Variants in GRID1 observed in about 807,000 individuals in gnomAD.
GRID1 encodes glutamate ionotropic receptor delta type subunit 1.
GRID1 carries 28 observed loss-of-function variants against 98.0 expected under a neutral mutation model. That is an observed-to-expected ratio of 0.29 (90% CI 0.21 to 0.39). The LOEUF is 0.39. Among genes scored for constraint, GRID1 ranks in the 10% least tolerant of loss-of-function variants. The probability of loss-of-function intolerance (pLI) is 1.00; values close to 1 mark genes in which losing one functional copy is unlikely to be tolerated. For synonymous variants in GRID1, 553 were observed against 538.5 expected, an observed-to-expected ratio of 1.03 and a Z score of -0.37; for missense variants, 1,111 against 1,340.5, an observed-to-expected ratio of 0.83 and a Z score of 2.67.
intron 4 of GRID1, among the ~76,000 whole-genome samples, chr10:86,105,782 C>T (rs987245005): frequency 6.6e-6 from 1 of 152,200 alleles, no homozygotes. Flanking sequence ...CAGATCATTG[C>T]AGAGTGAAGT....
intron 5 of GRID1, among the ~76,000 whole-genome samples, chr10:85,895,019 ATAT>A (rs1841270672): frequency 1.5e-4 from 15 of 98,120 alleles, no homozygotes; most frequent in Non-Finnish European, 2.0e-4. Flanking sequence ...AAAAAAAAAT[ATAT>A]ATATATATAT....
intron 2 of GRID1, among the ~76,000 whole-genome samples, chr10:86,269,447 C>T (rs1484360281): frequency 6.6e-6 from 1 of 152,240 alleles, no homozygotes; most frequent in Non-Finnish European, 1.5e-5. Context: ...CTTGCCCCTT[C>T]ACCCACACAC....
At chr10:86,279,480 A>G (rs79556628) in intron 2 of GRID1, among the ~76,000 whole-genome samples, 1,544 of 152,328 alleles carry the variant, frequency 0.01, 32 homozygotes, top group African/African-American at 0.035. Context: ...TCAAATCACC[A>G]TATCACCAAG....
At chr10:85,950,795 C>T (rs772787023) in intron 4 of GRID1, among the ~76,000 whole-genome samples, 11 of 152,170 alleles carry the variant, frequency 7.2e-5, no homozygotes, top group Non-Finnish European at 1.0e-4. Flanking sequence ...AGTCCTGGTA[C>T]AGCTTCAGAG....
intron 5 of GRID1, among the ~76,000 whole-genome samples, chr10:85,878,693 T>C (rs572722911): frequency 1.5e-3 from 230 of 152,288 alleles, no homozygotes; most frequent in African/African-American, 5.4e-3. Flanking sequence ...CCATCAAGGC[T>C]AGGAATAAAC....
intron 4 of GRID1, among the ~76,000 whole-genome samples, chr10:86,005,633 C>T (rs1239626393): frequency 1.3e-5 from 2 of 152,190 alleles, no homozygotes; most frequent in Non-Finnish European, 2.9e-5. Context: ...TGGTGGGGGT[C>T]ATAGTGATAG....
intron 4 of GRID1, among the ~76,000 whole-genome samples, chr10:85,928,641 G>C (rs1429303957): frequency 6.6e-6 from 1 of 152,218 alleles, no homozygotes; most frequent in Non-Finnish European, 1.5e-5. Flanking sequence ...CTCACATCCA[G>C]CTGCCCCACT....
chr10:85,669,183 G>A (rs906409297), intron 12 of GRID1, among the ~76,000 whole-genome samples: 18 of 152,294 alleles, frequency 1.2e-4, no homozygotes, highest in South Asian at 2.1e-4. Context: ...GCAGGGCACC[G>A]TCTTCTCTGT....
At chr10:85,613,305 C>T in intron 15 of GRID1, 102 bp downstream of exon 15, 1 of 1,148,756 alleles carries the variant, frequency 8.7e-7, no homozygotes, top group South Asian at 1.6e-5. Context: ...GACAAGATGA[C>T]TCAGGTAAAT....
intron 2 of GRID1, among the ~76,000 whole-genome samples, chr10:86,213,946 C>T (rs1161283968): frequency 6.6e-6 from 1 of 152,168 alleles, no homozygotes; most frequent in Admixed American, 6.5e-5. Flanking sequence ...GGCCTGAATG[C>T]TTTATCTCCC....
chr10:85,925,366 T>C (rs531305794), intron 4 of GRID1, among the ~76,000 whole-genome samples: 34 of 152,312 alleles, frequency 2.2e-4, no homozygotes, highest in African/African-American at 8.2e-4. Context: ...GACCTGGATG[T>C]ACAGTGGAAC....
At chr10:86,358,121 C>A (rs1363792897) in intron 2 of GRID1, among the ~76,000 whole-genome samples, 1 of 152,138 alleles carries the variant, frequency 6.6e-6, no homozygotes, top group African/African-American at 2.4e-5. Flanking sequence ...AGAACACAGG[C>A]AAGTCTGTGG....
At chr10:85,641,242 C>G (rs1239807163) in intron 13 of GRID1, among the ~76,000 whole-genome samples, 1 of 152,198 alleles carries the variant, frequency 6.6e-6, no homozygotes, top group East Asian at 1.9e-4. Context: ...TAAAGTCTGA[C>G]TTCATGTGAT....
At chr10:85,721,718 T>C (rs12245204) in intron 12 of GRID1, among the ~76,000 whole-genome samples, 5,873 of 152,128 alleles carry the variant, frequency 0.039, 361 homozygotes, top group African/African-American at 0.13. Context: ...TGAAAAATAT[T>C]TGGGTGGTTA....
At chr10:85,998,710 C>A (rs11599184) in intron 4 of GRID1, among the ~76,000 whole-genome samples, 16,551 of 152,148 alleles carry the variant, frequency 0.11, 1,100 homozygotes, top group East Asian at 0.27. Flanking sequence ...AAAACTGATT[C>A]TTTGAAAACA....
chr10:86,005,401 A>G (rs1842848915), intron 4 of GRID1, among the ~76,000 whole-genome samples: 1 of 152,124 alleles, frequency 6.6e-6, no homozygotes, highest in South Asian at 2.1e-4. Flanking sequence ...TACCCCTAAG[A>G]GAGTAAGGAG....
At chr10:86,261,724 A>AC (rs1491275698) in intron 2 of GRID1, among the ~76,000 whole-genome samples, 1 of 151,918 alleles carries the variant, frequency 6.6e-6, no homozygotes, top group East Asian at 1.9e-4. Context: ...ATGCAGCAAA[A>AC]CCCCAGGTCA....
intron 12 of GRID1, among the ~76,000 whole-genome samples, chr10:85,699,306 G>A (rs938494458): frequency 8.6e-5 from 13 of 152,018 alleles, no homozygotes; most frequent in African/African-American, 2.2e-4. Flanking sequence ...CTCCCGCCTC[G>A]GCCTCCTAAA....
In GRID1 at chr10:85,866,303, CAAAAAAAAAAA is replaced by C. The variant is rs201164587; in HGVS notation, c.951+2696_951+2706del. Among the ~76,000 whole-genome samples, 30 of 65,416 alleles carry C rather than the reference CAAAAAAAAAAA, an allele frequency of 4.6e-4. 1 individual carries two copies. The East Asian group carries it at 6.2e-3, about 13-fold the overall frequency. 42.9% of individuals were successfully genotyped at this position (65,416 alleles called of 152,430 possible). A position where few individuals can be genotyped will look rare whatever the true frequency, so the allele number is the denominator to read the frequency against. On this transcript the variant is annotated intron_variant, in intron 6 of 15. Transcript: ENST00000327946. The stretch of plus-strand genomic sequence containing the variant: ...TGGAGATAGGTAGACTAAATCACAC[CAAAAAAAAAAA>C]AAAAAAAAAGGCTATGTTCACCCTT...
Sources: gnomAD v4.1 joint callset for allele counts (sites outside exome capture counted in the v4.1 genomes callset) on GRCh38, gnomAD v4.1.1 for gene constraint, MANE v1.5 for transcripts, NCBI Gene and HGNC (gene_info 2026-07-23, HGNC 2026-07-21) for gene names.